Variants in PDE4D observed in about 807,000 individuals in gnomAD.
The protein encoded by PDE4D is 3',5'-cyclic-AMP phosphodiesterase 4D.
Under a neutral mutation model 87.4 loss-of-function variants are expected in PDE4D, and 24 were observed. That is an observed-to-expected ratio of 0.27 (90% CI 0.20 to 0.39). PDE4D has a LOEUF of 0.39. Ranked by LOEUF, PDE4D falls within the 10% of genes least tolerant of loss-of-function variation. The probability of loss-of-function intolerance (pLI) is 1.00; values close to 1 mark genes in which losing one functional copy is unlikely to be tolerated. For missense variants in PDE4D, 714 were observed against 1,041.0 expected, an observed-to-expected ratio of 0.69 and a Z score of 4.32; for synonymous variants, 384 against 383.2, an observed-to-expected ratio of 1.00 and a Z score of -0.02.
chr5:60,159,173 C>T (rs1182084047), intron 2 of PDE4D, among the ~76,000 whole-genome samples: 3 of 152,178 alleles, frequency 2.0e-5, no homozygotes, highest in Admixed American at 2.0e-4. Flanking sequence ...ACATCACTGT[C>T]TTCTACCTCC....
intron 1 of PDE4D, among the ~76,000 whole-genome samples, chr5:59,464,745 C>G (rs1360734478): frequency 6.6e-6 from 1 of 152,144 alleles, no homozygotes; most frequent in Admixed American, 6.6e-5. Context: ...AGGGGCAACC[C>G]ACCCCTTCAC....
chr5:60,089,572 A>G (rs1774887762), intron 2 of PDE4D, among the ~76,000 whole-genome samples: 1 of 152,032 alleles, frequency 6.6e-6, no homozygotes, highest in Admixed American at 6.5e-5. Flanking sequence ...TGTAGCAATC[A>G]ACACCTACAT....
intron 1 of PDE4D, among the ~76,000 whole-genome samples, chr5:60,393,538 A>C (rs1561202215): frequency 6.6e-6 from 1 of 152,216 alleles, no homozygotes. Flanking sequence ...AGTTCAAGGA[A>C]TAAGATATGT....
At chr5:60,106,416 T>A (rs1183174183) in intron 2 of PDE4D, among the ~76,000 whole-genome samples, 1 of 151,658 alleles carries the variant, frequency 6.6e-6, no homozygotes, top group African/African-American at 2.4e-5. Context: ...ATGGGAGACT[T>A]TAACACCCCA....
intron 1 of PDE4D, among the ~76,000 whole-genome samples, chr5:59,766,632 G>A (rs556261311): frequency 5.3e-5 from 8 of 152,294 alleles, no homozygotes; most frequent in African/African-American, 1.9e-4. Flanking sequence ...CAACCAAAAG[G>A]GACACTGGAC....
chr5:60,006,479 C>T (rs1447755637), intron 2 of PDE4D, among the ~76,000 whole-genome samples: 5 of 151,878 alleles, frequency 3.3e-5, no homozygotes, highest in Admixed American at 6.6e-5. Context: ...ACAGTGTTTG[C>T]ATCACCATTT....
intron 1 of PDE4D, among the ~76,000 whole-genome samples, chr5:59,839,660 T>C (rs184846941): frequency 2.0e-5 from 3 of 152,174 alleles, no homozygotes; most frequent in Admixed American, 6.5e-5. Context: ...GGTGGAAGTG[T>C]AATGTGAATC....
chr5:59,772,615 C>G (rs1763689162), intron 1 of PDE4D, among the ~76,000 whole-genome samples: 1 of 152,144 alleles, frequency 6.6e-6, no homozygotes, highest in African/African-American at 2.4e-5. Context: ...TAGGTACAAA[C>G]AAGCAAGGCT....
chr5:60,223,048 C>T (rs925985195), intron 1 of PDE4D, among the ~76,000 whole-genome samples: 1 of 151,966 alleles, frequency 6.6e-6, no homozygotes, highest in African/African-American at 2.4e-5. Context: ...TAAATGCTTC[C>T]TCTTTCTTAT....
intron 1 of PDE4D, among the ~76,000 whole-genome samples, chr5:59,238,281 G>A (rs26705): frequency 0.75 from 114,195 of 152,050 alleles, 43,359 homozygotes; most frequent in African/African-American, 0.87. Context: ...ACAATAATGA[G>A]ATATTTGTCC....
At chr5:59,919,827 G>A (rs991101898) in intron 3 of PDE4D, among the ~76,000 whole-genome samples, 1 of 152,164 alleles carries the variant, frequency 6.6e-6, no homozygotes, top group African/African-American at 2.4e-5. Flanking sequence ...CCTCTCAAAT[G>A]TCCAAGGAAT....
chr5:59,390,254 C>T (rs565832351), intron 1 of PDE4D, among the ~76,000 whole-genome samples: 1 of 152,064 alleles, frequency 6.6e-6, no homozygotes, highest in East Asian at 1.9e-4. Flanking sequence ...CAAGATGGCG[C>T]TCTCTAATTT....
chr5:60,187,709 G>T (rs1784892869), intron 1 of PDE4D, among the ~76,000 whole-genome samples: 1 of 152,168 alleles, frequency 6.6e-6, no homozygotes, highest in Non-Finnish European at 1.5e-5. Context: ...TAGGCAGAGA[G>T]ATTCAGTTGA....
intron 1 of PDE4D, among the ~76,000 whole-genome samples, chr5:59,344,034 C>T (rs867074809): frequency 2.6e-5 from 4 of 152,010 alleles, no homozygotes; most frequent in African/African-American, 7.3e-5. Context: ...TTACATTTTG[C>T]GTGGTGGATT....
intron 1 of PDE4D, among the ~76,000 whole-genome samples, chr5:60,266,455 T>C (rs911542242): frequency 1.3e-5 from 2 of 152,218 alleles, no homozygotes; most frequent in African/African-American, 4.8e-5. Flanking sequence ...CTGGTGGGCA[T>C]CTTTCTAATT....
At position 60,333,572 on chromosome 5, in the gene PDE4D, GACTA is replaced by G. The variant is rs370143419; in HGVS notation, c.-89-147889_-89-147886del. 9.2e-5 allele frequency among the ~76,000 whole-genome samples: 14 copies of G among 152,302 alleles called. No homozygotes were observed. The South Asian group carries it at 1.9e-3, about 20-fold the overall frequency. ...CAAATATGGTTCCAACTCTGTGTCT[GACTA>G]ACTAATGTGTGGCCTGAACAAAGTA... On this transcript the variant is annotated intron_variant, in intron 1 of 16. Coordinates refer to the PDE4D transcript ENST00000502484.
At chr5:59,408,465 A>C (rs1408182400) in intron 1 of PDE4D, among the ~76,000 whole-genome samples, 1 of 152,228 alleles carries the variant, frequency 6.6e-6, no homozygotes, top group Non-Finnish European at 1.5e-5. Flanking sequence ...ACCTCTACTA[A>C]GGTAGTGCAG....
intron 5 of PDE4D, among the ~76,000 whole-genome samples, chr5:59,067,848 G>T (rs1164824326): frequency 6.6e-6 from 1 of 152,008 alleles, no homozygotes; most frequent in African/African-American, 2.4e-5. Flanking sequence ...AAAGGACATG[G>T]ACTTTTCTTT....
At chr5:59,818,404 G>A (rs1157017714) in intron 1 of PDE4D, among the ~76,000 whole-genome samples, 4 of 152,112 alleles carry the variant, frequency 2.6e-5, no homozygotes, top group Middle Eastern at 3.2e-3. Context: ...TCAATAAATA[G>A]TAGCTATTAT....
Sources: allele counts gnomAD v4.1 joint callset (sites outside exome capture counted in the v4.1 genomes callset), GRCh38; gene constraint gnomAD v4.1.1; transcripts MANE v1.5; gene names NCBI Gene and HGNC (gene_info 2026-07-23, HGNC 2026-07-21).